ACVR1C: variants seen among roughly 807,000 people sequenced by gnomAD.
ACVR1C encodes activin receptor type-1C.
ACVR1C carries 23 observed loss-of-function variants against 57.9 expected under a neutral mutation model. That is an observed-to-expected ratio of 0.40 (90% CI 0.29 to 0.56). The LOEUF (loss-of-function observed/expected upper bound fraction) is 0.56, where lower values mean the gene tolerates loss of function less well. ACVR1C is among the 20% of genes least tolerant of loss of function. The pLI is 0.50. For missense variants in ACVR1C, 480 were observed against 607.9 expected (o/e 0.79, Z 2.21); for synonymous variants, 214 against 215.3 (o/e 0.99, Z 0.05).
At position 157,538,693 on chromosome 2, in the gene ACVR1C, C is replaced by A; in HGVS notation, c.1236G>T (p.Glu412Asp). ...TGTCATAATAAGGCAATTGGTACTCCTCAACAATTCCTGTAAGAAATTTGT... is the reference window on the plus strand; with the variant it reads ...TGTCATAATAAGGCAATTGGTACTCATCAACAATTCCTGTAAGAAATTTGT... ...ARRCSVGGIV[E>D]EYQLPYYDMV... The change falls in exon 8 of 9, where the codon GAG becomes GAT. Residue 412 changes from glutamate to aspartate, a missense_variant. By Grantham distance (45) the Glu-to-Asp change is conservative. Coordinates refer to ENST00000243349, the MANE Select transcript of ACVR1C (RefSeq NM_145259.3). 6.7e-7 allele frequency: 1 copy of A among 1,486,320 alleles called. No individual in the cohort carries two copies. Among genetic ancestry groups the A allele is most frequent in the Non-Finnish European group, 8.9e-7 (1 of 1,119,198 alleles). The allele number at this position is 1,486,320 out of a possible 1,614,324, so 92.1% of individuals were successfully genotyped here.
At chr2:157,566,379 A>G (rs1399355613) in intron 2 of ACVR1C, among the ~76,000 whole-genome samples, 2 of 152,244 alleles carry the variant, frequency 1.3e-5, no homozygotes, top group African/African-American at 4.8e-5. Context: ...GAATAGGAAC[A>G]GCTCCGGTCT....
chr2:157,588,846 A>G (rs968419608), intron 1 of ACVR1C, among the ~76,000 whole-genome samples: 1 of 43,892 alleles, frequency 2.3e-5, no homozygotes, highest in Non-Finnish European at 4.8e-5. Flanking sequence ...ACACAAACAC[A>G]CCATATATAT....
chr2:157,589,183 A>G lies in ACVR1C; in HGVS notation c.74-1766T>C, dbSNP rs144362837. On this transcript the variant is annotated intron_variant, in intron 1 of 8. Transcript: ENST00000243349. ...TAAGCATTTGCTTTTCACCATATCC[A>G]CACCAAACATCTATTGTTTTTTGAC... 3.1e-3 allele frequency among the ~76,000 whole-genome samples: 468 copies of G among 151,876 alleles called. 5 individuals carry two copies. Among genetic ancestry groups the G allele is most frequent in the African/African-American group, 0.011 (455 of 41,514 alleles).
chr2:157,529,110 A>G lies in ACVR1C; in HGVS notation c.*4808T>C, dbSNP rs1687300195. 6.6e-6 allele frequency: 1 copy of G among 152,132 alleles called. No individual in the cohort carries two copies. The highest frequency in any genetic ancestry group is 6.6e-5 in the Admixed American group (1 of 15,246). The allele number at this position is 152,132 out of a possible 1,614,324, so 9.4% of individuals were successfully genotyped here. A position where few individuals can be genotyped will look rare whatever the true frequency, so the allele number is the denominator to read the frequency against. ...GAAAAGTTAGATAATATCCCACTGG[A>G]CATAGTCCCAAATTCAGCTATCAAA... On this transcript the variant is annotated 3_prime_UTR_variant, in exon 9 of 9. Coordinates refer to ENST00000243349, the MANE Select transcript of ACVR1C (RefSeq NM_145259.3).
intron 1 of ACVR1C, among the ~76,000 whole-genome samples, chr2:157,606,929 A>G (rs1682412279): frequency 1.3e-5 from 2 of 151,672 alleles, no homozygotes; most frequent in African/African-American, 4.8e-5. Context: ...TTCTTCTAGT[A>G]GTTTTATAGT....
chr2:157,583,008 A>T (rs1028567915), intron 2 of ACVR1C, among the ~76,000 whole-genome samples: 7 of 152,008 alleles, frequency 4.6e-5, no homozygotes, highest in African/African-American at 1.7e-4. Flanking sequence ...CAGCCTCCCA[A>T]GTAGCTGGGA....
At chr2:157,609,033 T>C (rs1457406802) in intron 1 of ACVR1C, among the ~76,000 whole-genome samples, 14 of 151,988 alleles carry the variant, frequency 9.2e-5, no homozygotes, top group Non-Finnish European at 1.9e-4. Flanking sequence ...TTTGGTTTGC[T>C]CTTGAGGTTC....
chr2:157,560,375 T>C (rs1688206366), intron 2 of ACVR1C, among the ~76,000 whole-genome samples: 2 of 152,230 alleles, frequency 1.3e-5, no homozygotes, highest in African/African-American at 2.4e-5. Flanking sequence ...GAGATGGCTA[T>C]GTGAACCTGA....
At chr2:157,538,522 A>G (rs968372284) in intron 8 of ACVR1C, 51 bp downstream of exon 8, 61 of 1,186,460 alleles carry the variant, frequency 5.1e-5, no homozygotes, top group South Asian at 6.9e-5. Context: ...TCTCCCCGAT[A>G]CTCACCTCAA....
intron 2 of ACVR1C, among the ~76,000 whole-genome samples, chr2:157,573,752 G>A (rs545200882): frequency 6.6e-6 from 1 of 152,174 alleles, no homozygotes; most frequent in South Asian, 2.1e-4. Context: ...CTCTGAGCAT[G>A]ACTCTGCTAT....
rs549276975 is a variant in ACVR1C at position 157,557,389 on chromosome 2, C to G, written c.305-1057G>C. 7.2e-5 allele frequency among the ~76,000 whole-genome samples: 11 copies of G among 152,220 alleles called. No individual in the cohort carries two copies. The South Asian group carries it at 2.3e-3, about 32-fold the overall frequency. On this transcript the variant is annotated intron_variant, in intron 2 of 8. Transcript: ENST00000243349. Reference sequence around the variant, plus strand: ...TAATGCAAGAAGACAGTTGGGAGACCGTGGTGTTGGCTGACAACCTTACCT... The same window carrying G: ...TAATGCAAGAAGACAGTTGGGAGACGGTGGTGTTGGCTGACAACCTTACCT...
chr2:157,628,799 C>T lies in ACVR1C; in HGVS notation c.-155G>A. The T allele has an allele frequency of 2.0e-6, 1 of 502,598 alleles. No homozygotes were observed. Among genetic ancestry groups the T allele is most frequent in the Non-Finnish European group, 3.2e-6 (1 of 310,448 alleles). 31.1% of individuals were successfully genotyped at this position (502,598 alleles called of 1,614,324 possible). On this transcript the variant is annotated 5_prime_UTR_variant, in exon 1 of 9. Coordinates refer to ENST00000243349, the MANE Select transcript of ACVR1C (RefSeq NM_145259.3). The stretch of plus-strand genomic sequence containing the variant: ...CGGTTGGCTCTAGTCAGTGTGGGCG[C>T]CCCCCTCCCCGGCCGCCCCCATCCC...
chr2:157,617,400 C>T (rs1682678567), intron 1 of ACVR1C, among the ~76,000 whole-genome samples: 1 of 152,010 alleles, frequency 6.6e-6, no homozygotes, highest in Admixed American at 6.6e-5. Flanking sequence ...CAATAAACCT[C>T]ACCTAATTGG....
chr2:157,566,682 A>G (rs1351226166), intron 2 of ACVR1C, among the ~76,000 whole-genome samples: 1 of 151,528 alleles, frequency 6.6e-6, no homozygotes, highest in East Asian at 2.0e-4. Flanking sequence ...CCACGAGACT[A>G]TATCCCACAC....
chr2:157,562,106 C>A (rs1417981260), intron 2 of ACVR1C, among the ~76,000 whole-genome samples: 2 of 151,856 alleles, frequency 1.3e-5, no homozygotes, highest in Middle Eastern at 6.3e-3. Context: ...ACCATCTTGG[C>A]CAACATAGTG....
intron 2 of ACVR1C, among the ~76,000 whole-genome samples, chr2:157,574,051 A>C (rs1262572850): frequency 2.0e-5 from 3 of 152,250 alleles, no homozygotes; most frequent in Non-Finnish European, 4.4e-5. Flanking sequence ...GTCACTATTC[A>C]GCTTCGGCCA....
At chr2:157,617,807 A>G (rs1390053531) in intron 1 of ACVR1C, among the ~76,000 whole-genome samples, 1 of 151,964 alleles carries the variant, frequency 6.6e-6, no homozygotes, top group Admixed American at 6.6e-5. Flanking sequence ...AAAATTATAT[A>G]ATAAAACAAT....
At chr2:157,617,521 G>C (rs1682681272) in intron 1 of ACVR1C, among the ~76,000 whole-genome samples, 1 of 152,002 alleles carries the variant, frequency 6.6e-6, no homozygotes, top group Non-Finnish European at 1.5e-5. Context: ...AGACATGAGG[G>C]AGCTCACTGT....
intron 1 of ACVR1C, among the ~76,000 whole-genome samples, chr2:157,598,542 G>GTT (rs201633186): frequency 2.9e-4 from 41 of 140,830 alleles, no homozygotes; most frequent in Admixed American, 6.4e-4. Context: ...TCTTTTAATA[G>GTT]TTTTTTTTTT....
Sources: allele counts gnomAD v4.1 joint callset (sites outside exome capture counted in the v4.1 genomes callset), GRCh38; gene constraint gnomAD v4.1.1; transcripts MANE v1.5; gene names NCBI Gene and HGNC (gene_info 2026-07-23, HGNC 2026-07-21).